The following KYNU variants were observed in gnomAD, a reference collection of about 807,000 sequenced individuals.
KYNU encodes L-kynurenine hydrolase.
A neutral mutation model predicts 59.2 loss-of-function variants in KYNU; 54 were observed. The observed-to-expected ratio is 0.91, with a 90% CI of 0.73 to 1.14. The LOEUF (loss-of-function observed/expected upper bound fraction) is 1.14. Among genes scored for constraint, KYNU ranks in the 50% most tolerant of loss-of-function variants. KYNU has a pLI of 0.00. For missense variants in KYNU, 567 were observed against 554.4 expected (o/e 1.02, Z -0.23); for synonymous variants, 177 against 192.0 (o/e 0.92, Z 0.65).
chr2:142,929,033 C>T (rs1478585229), intron 4 of KYNU, among the ~76,000 whole-genome samples: 4 of 96,580 alleles, frequency 4.1e-5, no homozygotes, highest in Admixed American at 2.4e-4. Context: ...AAACAAAAAA[C>T]GAACAACACT....
chr2:143,013,350 G>C (rs1312822087), intron 10 of KYNU, among the ~76,000 whole-genome samples: 1 of 141,906 alleles, frequency 7.0e-6, no homozygotes, highest in African/African-American at 2.7e-5. Context: ...CTCATCTGTT[G>C]ATGGACACTT....
chr2:142,970,381 A>G (rs1043444670), intron 8 of KYNU, among the ~76,000 whole-genome samples: 10 of 152,194 alleles, frequency 6.6e-5, no homozygotes, highest in Non-Finnish European at 2.9e-5. Flanking sequence ...CAAATTCAGT[A>G]TGTAAATAAA....
rs557017546 is a variant in KYNU at position 143,029,275 on chromosome 2, G to T, written c.903-352G>T. 5.3e-5 allele frequency among the ~76,000 whole-genome samples: 8 copies of T among 152,206 alleles called. No homozygotes were observed. The East Asian group carries it at 1.5e-3, about 29-fold the overall frequency. ...CAGGCCCCAGATTTCTAAATTAGTA[G>T]TGTTTATTTTTATAGATCAAAATAT... On this transcript the variant is annotated intron_variant, in intron 10 of 13. Transcript: ENST00000264170.
chr2:142,996,903 G>A (rs1421167311), intron 10 of KYNU, among the ~76,000 whole-genome samples: 1 of 152,212 alleles, frequency 6.6e-6, no homozygotes, highest in Admixed American at 6.5e-5. Flanking sequence ...TCATTCTCAA[G>A]TGATAAAAAT....
intron 10 of KYNU, among the ~76,000 whole-genome samples, chr2:143,003,451 C>T (rs189716332): frequency 9.9e-5 from 15 of 152,068 alleles, no homozygotes; most frequent in Admixed American, 7.9e-4. Context: ...GGTGTGGTGG[C>T]GGGCACCTAT....
chr2:142,968,725 G>A (rs141376237), intron 8 of KYNU, among the ~76,000 whole-genome samples: 1 of 152,174 alleles, frequency 6.6e-6, no homozygotes, highest in African/African-American at 2.4e-5. Context: ...ACCAGCCTGA[G>A]CAACATGTTG....
rs376052980 is a variant in KYNU at position 142,885,393 on chromosome 2, C to T, written c.26C>T (p.Pro9Leu). 13 of 1,613,836 alleles carry T rather than the reference C, an allele frequency of 8.1e-6. No homozygotes were observed. The East Asian group carries it at 1.3e-4, about 17-fold the overall frequency. Residue 9 changes from proline (P) to leucine (L), a missense_variant, in exon 2 of 14, where the codon CCG becomes CTG. Coordinates refer to ENST00000264170, the MANE Select transcript of KYNU (RefSeq NM_003937.3). ...ATGGAGCCTTCATCTCTTGAGCTGC[C>T]GGCTGACACAGTGCAGCGCATTGCG... MEPSSLEL[P>L]ADTVQRIAAE...
rs532262306 is a variant in KYNU at position 142,957,577 on chromosome 2, G to T, written c.508-64G>T. 8.0e-6 allele frequency: 8 copies of T among 997,462 alleles called. No homozygotes were observed. In the East Asian group the frequency reaches 1.9e-4, roughly 24 times the overall value. 61.8% of individuals were successfully genotyped at this position (997,462 alleles called of 1,614,324 possible). The stretch of plus-strand genomic sequence containing the variant: ...TGCCCTTATTTTTACTTTATTATTT[G>T]TTATTTCAATGTACTTCTGTGCTCT... On this transcript the variant is annotated intron_variant, in intron 6 of 13. Transcript: ENST00000264170.
At chr2:142,914,115 CTGG>C (rs1682595595) in intron 2 of KYNU, among the ~76,000 whole-genome samples, 1 of 152,216 alleles carries the variant, frequency 6.6e-6, no homozygotes, top group Non-Finnish European at 1.5e-5. Context: ...AGATTCCAGG[CTGG>C]TCTCTGTGTT....
chr2:143,053,199 G>T lies in KYNU; in HGVS notation c.*11027G>T, dbSNP rs1410215917. 2.0e-5 allele frequency: 3 copies of T among 152,074 alleles called. No individual in the cohort carries two copies. The highest frequency in any genetic ancestry group is 4.4e-5 in the Non-Finnish European group (3 of 67,956). 9.4% of individuals were successfully genotyped at this position (152,074 alleles called of 1,614,324 possible). On this transcript the variant is annotated 3_prime_UTR_variant, in exon 14 of 14. Coordinates refer to ENST00000264170, the MANE Select transcript of KYNU (RefSeq NM_003937.3). ...CCTGTATCCCCATTGTATCTAGGAA[G>T]TAACTAACTTGCTTTTGATTTTACA...
intron 8 of KYNU, among the ~76,000 whole-genome samples, chr2:142,962,877 G>A (rs562845886): frequency 6.6e-6 from 1 of 152,100 alleles, no homozygotes; most frequent in African/African-American, 2.4e-5. Context: ...TCTCTCTGGT[G>A]GTCTGGTCAT....
chr2:142,942,857 T>C (rs575067109), intron 4 of KYNU, among the ~76,000 whole-genome samples: 1 of 152,318 alleles, frequency 6.6e-6, no homozygotes, highest in East Asian at 1.9e-4. Context: ...CTCATGCACA[T>C]TGGCCTGGTA....
At position 142,974,618 on chromosome 2, in the gene KYNU, C is replaced by T. The variant is rs539286864; in HGVS notation, c.730-10466C>T. On this transcript the variant is annotated intron_variant, in intron 8 of 13. Transcript: ENST00000264170. ...TTTGCCAGTTTCCCCCAAGGAGTAA[C>T]TGACTAGCTATGTAAATCACATTGC... Among the ~76,000 whole-genome samples, 4 of 152,330 alleles carry T rather than the reference C, an allele frequency of 2.6e-5. No individual in the cohort carries two copies. In the East Asian group the frequency reaches 5.8e-4, roughly 22 times the overall value.
At chr2:142,986,278 C>T (rs550541522) in intron 10 of KYNU, among the ~76,000 whole-genome samples, 12 of 151,800 alleles carry the variant, frequency 7.9e-5, no homozygotes, top group South Asian at 4.2e-4. Context: ...TCATGTAAAG[C>T]GGATGGTTTA....
chr2:142,907,674 T>C (rs1682346671), intron 2 of KYNU, among the ~76,000 whole-genome samples: 2 of 150,326 alleles, frequency 1.3e-5, no homozygotes, highest in African/African-American at 4.9e-5. Flanking sequence ...GTTTATATCC[T>C]GATCATTGTC....
intron 8 of KYNU, among the ~76,000 whole-genome samples, chr2:142,970,698 G>A (rs1394819146): frequency 2.6e-5 from 4 of 152,268 alleles, no homozygotes; most frequent in Middle Eastern, 3.4e-3. Flanking sequence ...TTCCTGCATC[G>A]TGTTTCTCCC....
chr2:142,989,600 A>T lies in KYNU; in HGVS notation c.902+3579A>T, dbSNP rs894493417. On this transcript the variant is annotated intron_variant, in intron 10 of 13. Transcript: ENST00000264170. ...AGTATTTTGAAGTATATATGTTTGA[A>T]TTATGTGTTCTTCTTTTTGACAATT... 7 of 627,432 alleles carry T rather than the reference A, an allele frequency of 1.1e-5. No homozygotes were observed. In the African/African-American group the frequency reaches 1.4e-4, roughly 13 times the overall value. 38.9% of individuals were successfully genotyped at this position (627,432 alleles called of 1,614,324 possible).
intron 10 of KYNU, among the ~76,000 whole-genome samples, chr2:143,013,258 C>G (rs1015459291): frequency 5.3e-5 from 8 of 151,442 alleles, no homozygotes; most frequent in African/African-American, 2.0e-4. Flanking sequence ...ATATTTCTCT[C>G]TCTCTCTCCC....
chr2:142,983,716 G>A (rs747870600), intron 8 of KYNU, among the ~76,000 whole-genome samples: 21 of 151,892 alleles, frequency 1.4e-4, no homozygotes, highest in Non-Finnish European at 2.5e-4. Flanking sequence ...TACTGTATTT[G>A]CAATTAAAAC....
Sources: allele counts gnomAD v4.1 joint callset (sites outside exome capture counted in the v4.1 genomes callset), GRCh38; gene constraint gnomAD v4.1.1; transcripts MANE v1.5; gene names NCBI Gene and HGNC (gene_info 2026-07-23, HGNC 2026-07-21).